The following EIF3M variants were observed in gnomAD, a reference collection of about 807,000 sequenced individuals.
The protein encoded by EIF3M is eukaryotic translation initiation factor 3 subunit M.
EIF3M carries 25 observed loss-of-function variants against 49.7 expected under a neutral mutation model. That is an observed-to-expected ratio of 0.50 (90% CI 0.37 to 0.70). The LOEUF (loss-of-function observed/expected upper bound fraction) is 0.70. Ranked by LOEUF, EIF3M falls within the 30% of genes least tolerant of loss-of-function variation. The pLI is 0.00. For synonymous variants in EIF3M, 156 were observed against 149.8 expected (o/e 1.04, Z -0.30); for missense variants, 350 against 440.0 (o/e 0.80, Z 1.83).
chr11:32,605,313 C>A lies in EIF3M; in HGVS notation c.*2914C>A, dbSNP rs1855335027. 6.6e-6 allele frequency: 1 copy of A among 151,966 alleles called. No individual in the cohort carries two copies. The highest frequency in any genetic ancestry group is 2.4e-5 in the African/African-American group (1 of 41,356). 9.4% of individuals were successfully genotyped at this position (151,966 alleles called of 1,614,324 possible). A position where few individuals can be genotyped will look rare whatever the true frequency, so the allele number is the denominator to read the frequency against. On this transcript the variant is annotated 3_prime_UTR_variant, in exon 11 of 11. Transcript: ENST00000531120. ...CCCCTCAGAGAGTTTTACCTCTGAT[C>A]TTTGGGGTGATTCTTTGTTCATATT...
chr11:32,587,187 T>C (rs779830402), intron 2 of EIF3M, 43 bp downstream of exon 2: 2 of 1,524,742 alleles, frequency 1.3e-6, no homozygotes, highest in Non-Finnish European at 1.8e-6. Context: ...ATAAAATCTT[T>C]TAAATTTTTC....
chr11:32,590,840 G>GTGT (rs1198233872), intron 5 of EIF3M, among the ~76,000 whole-genome samples: 4 of 151,830 alleles, frequency 2.6e-5, no homozygotes, highest in Non-Finnish European at 5.9e-5. Context: ...GATGCACATG[G>GTGT]TGTTTGTTGT....
In EIF3M at chr11:32,594,999, G is replaced by A. The variant is rs780289523; in HGVS notation, c.703G>A (p.Glu235Lys). The change falls in exon 7 of 11, where the codon GAG (glutamate) becomes AAG (lysine). Residue 235 changes from glutamate to lysine, a missense_variant. Glu to Lys is a moderately conservative substitution (Grantham distance 56). Coordinates refer to ENST00000531120, the MANE Select transcript of EIF3M (RefSeq NM_006360.6). The stretch of plus-strand genomic sequence containing the variant: ...AAAACCAGTCAAGTTTTTGGAAGGC[G>A]AGCTTATTCATGATGTAAGTAGTTT... ...TLKPVKFLEG[E>K]LIHDLLTIFV... The A allele has an allele frequency of 6.2e-7, 1 of 1,613,198 alleles. No individual in the cohort carries two copies. Among genetic ancestry groups the A allele is most frequent in the Non-Finnish European group, 8.5e-7 (1 of 1,179,688 alleles).
chr11:32,592,045 G>A (rs1037788856), intron 5 of EIF3M: 11 of 274,034 alleles, frequency 4.0e-5, no homozygotes, highest in African/African-American at 9.2e-5. Flanking sequence ...GGACAACTGC[G>A]GTAGTTGCCA....
intron 6 of EIF3M, 31 bp from the exon 7 acceptor site, chr11:32,594,883 C>A: frequency 6.3e-7 from 1 of 1,582,610 alleles, no homozygotes; most frequent in South Asian, 1.2e-5. Context: ...ATTTCAAAAC[C>A]CTGAGCTTAC....
intron 9 of EIF3M, chr11:32,601,306 T>G (rs571265275): frequency 6.4e-6 from 1 of 155,786 alleles, no homozygotes; most frequent in South Asian, 2.0e-4. Flanking sequence ...TAAAGCAACT[T>G]AACTGCTCAG....
chr11:32,603,002 T>A lies in EIF3M; in HGVS notation c.*603T>A, dbSNP rs372298684. 2 of 1,598,106 alleles carry A rather than the reference T, an allele frequency of 1.3e-6. No individual in the cohort carries two copies. The highest frequency in any genetic ancestry group is 1.7e-6 in the Non-Finnish European group (2 of 1,176,146). ...AAATGGCTTTGTAGTGGAGTTGATA[T>A]CAGAGGCTTTGTTTTCACCTGGGAA... is the stretch of plus-strand genomic sequence containing the variant. On this transcript the variant is annotated 3_prime_UTR_variant, in exon 11 of 11. Transcript: ENST00000531120.
rs2133195606 is a variant in EIF3M at position 32,589,632 on chromosome 11, G to T, written c.524G>T (p.Cys175Phe). The stretch of plus-strand genomic sequence containing the variant: ...CTACTTTATGAGGCACTTGTGGATT[G>T]TAAGAAGAGGTATTCAAAAGTAATG... ...LRLLYEALVDCKKSDAASKVM... is the reference protein window; with the variant it reads ...LRLLYEALVDFKKSDAASKVM... The change falls in exon 5 of 11, where the codon TGT becomes TTT. Residue 175 changes from cysteine (C) to phenylalanine (F), a missense_variant. Transcript: ENST00000531120. 1.2e-6 allele frequency: 2 copies of T among 1,613,772 alleles called. No homozygotes were observed. The highest frequency in any genetic ancestry group is 8.5e-7 in the Non-Finnish European group (1 of 1,179,816).
In EIF3M at chr11:32,588,631, C is replaced by T; in HGVS notation, c.213C>T (p.Leu71=). ...ESVMNSVVSL[L]LILEPDKQEA... ...TGATGAACAGTGTGGTATCCCTACT[C>T]TTGATCCTGGAACCAGACAAGCAAG... The change falls in exon 3 of 11, where the codon CTC becomes CTT. Residue 71 remains leucine, a synonymous_variant. Transcript: ENST00000531120. The T allele has an allele frequency of 1.2e-6, 2 of 1,614,184 alleles. No individual in the cohort carries two copies. Among genetic ancestry groups the T allele is most frequent in the Non-Finnish European group, 1.7e-6 (2 of 1,180,048 alleles).
intron 1 of EIF3M, 130 bp downstream of exon 1, chr11:32,584,059 A>T (rs758897356): frequency 3.7e-5 from 47 of 1,272,782 alleles, no homozygotes; most frequent in Non-Finnish European, 4.8e-5. Flanking sequence ...GAGAATGGGG[A>T]GGCCGGTGGC....
At chr11:32,602,121 AT>A (rs762005099) in intron 10 of EIF3M, 157 bp from the exon 11 acceptor site, 8 of 1,188,704 alleles carry the variant, frequency 6.7e-6, no homozygotes, top group South Asian at 1.4e-5. Flanking sequence ...TATGGTAAAG[AT>A]TTTTTTTAAA....
chr11:32,586,934 T>G, intron 1 of EIF3M, 78 bp from the exon 2 acceptor site: 1 of 1,479,258 alleles, frequency 6.8e-7, no homozygotes, highest in South Asian at 1.4e-5. Flanking sequence ...TCCGTTTTAG[T>G]TTTTCAGAAA....
chr11:32,589,787 A>T, intron 5 of EIF3M, 146 bp downstream of exon 5: 2 of 594,624 alleles, frequency 3.4e-6, no homozygotes, highest in Non-Finnish European at 5.6e-6. Flanking sequence ...AATTTGACCT[A>T]AAGTTAAAGA....
intron 8 of EIF3M, among the ~76,000 whole-genome samples, chr11:32,598,145 C>G (rs903449299): frequency 6.6e-6 from 1 of 152,094 alleles, no homozygotes; most frequent in East Asian, 1.9e-4. Context: ...TCTTTATTTA[C>G]GCACCAAGGA....
chr11:32,590,621 C>T (rs1329230885), intron 5 of EIF3M, among the ~76,000 whole-genome samples: 1 of 152,012 alleles, frequency 6.6e-6, no homozygotes, highest in Non-Finnish European at 1.5e-5. Context: ...ATAAATGCTA[C>T]CCACAGTAGG....
At chr11:32,586,985 G>T in intron 1 of EIF3M, 27 bp from the exon 2 acceptor site, 2 of 1,580,326 alleles carry the variant, frequency 1.3e-6, no homozygotes, top group Non-Finnish European at 1.7e-6. Flanking sequence ...TTCGTAGTCA[G>T]TTTTATAATA....
At chr11:32,602,130 A>T (rs930633659) in intron 10 of EIF3M, 149 bp from the exon 11 acceptor site, 109 of 1,220,762 alleles carry the variant, frequency 8.9e-5, no homozygotes, top group Non-Finnish European at 1.2e-4. Flanking sequence ...GATTTTTTTT[A>T]AATAATTATG....
intron 2 of EIF3M, 108 bp downstream of exon 2, chr11:32,587,252 T>G: frequency 8.8e-7 from 1 of 1,137,092 alleles, no homozygotes; most frequent in Non-Finnish European, 1.2e-6. Context: ...TTTGGAACCC[T>G]CAGATACAGA....
At chr11:32,590,459 G>C (rs1490442113) in intron 5 of EIF3M, among the ~76,000 whole-genome samples, 1 of 152,108 alleles carries the variant, frequency 6.6e-6, no homozygotes, top group Non-Finnish European at 1.5e-5. Context: ...TCATATTTCG[G>C]TTAGTGCCTC....
Sources: allele counts gnomAD v4.1 joint callset (sites outside exome capture counted in the v4.1 genomes callset), GRCh38; gene constraint gnomAD v4.1.1; transcripts MANE v1.5; gene names NCBI Gene and HGNC (gene_info 2026-07-23, HGNC 2026-07-21).